Variants in SNTG1 observed in about 807,000 individuals in gnomAD.
SNTG1 encodes the protein gamma-1-syntrophin.
A neutral mutation model predicts 74.7 loss-of-function variants in SNTG1; 39 were observed. The observed-to-expected ratio is 0.52, with a 90% CI of 0.40 to 0.68. The LOEUF (loss-of-function observed/expected upper bound fraction) is 0.68, where lower values mean the gene tolerates loss of function less well. SNTG1 is among the 30% of genes least tolerant of loss of function. The pLI is 0.00. For synonymous variants in SNTG1, 254 were observed against 217.1 expected (o/e 1.17, Z -1.49); for missense variants, 685 against 609.5 (o/e 1.12, Z -1.30).
At chr8:50,073,922 C>G (rs1230492019) in intron 1 of SNTG1, among the ~76,000 whole-genome samples, 1 of 148,902 alleles carries the variant, frequency 6.7e-6, no homozygotes. Context: ...CTTTGTTGTT[C>G]CATTTCTAGA....
At chr8:50,729,634 A>T (rs2131615966) in intron 17 of SNTG1, among the ~76,000 whole-genome samples, 1 of 152,258 alleles carries the variant, frequency 6.6e-6, no homozygotes, top group East Asian at 1.9e-4. Context: ...AGCATGAGCT[A>T]TGCTAGTTTG....
chr8:50,221,665 T>TA (rs908710828), intron 2 of SNTG1, among the ~76,000 whole-genome samples: 3 of 152,270 alleles, frequency 2.0e-5, no homozygotes, highest in Middle Eastern at 3.4e-3. Flanking sequence ...GTGACCCATT[T>TA]AAAAAATATA....
intron 15 of SNTG1, 91 bp downstream of exon 15, chr8:50,658,754 C>G: frequency 1.3e-6 from 1 of 778,492 alleles, no homozygotes; most frequent in South Asian, 1.8e-5. Flanking sequence ...ACAAATCATT[C>G]ATGGAATGAA....
rs187356217 is a variant in SNTG1, at chr8:50,474,971, G to A, written c.363+24242G>A. Among the ~76,000 whole-genome samples the A allele has an allele frequency of 2.8e-3, 421 of 150,372 alleles. 2 individuals carry two copies. The highest frequency in any genetic ancestry group is 9.6e-3 in the African/African-American group (394 of 40,956). On this transcript the variant is annotated intron_variant, in intron 8 of 18. Transcript: ENST00000642720. Reference sequence around the variant, plus strand: ...AAACCATCATTCTGAGCAAACTATCGCAAGGACAAAGAACCAAACACCGCG... The same window carrying A: ...AAACCATCATTCTGAGCAAACTATCACAAGGACAAAGAACCAAACACCGCG...
At chr8:50,091,608 G>A (rs960695453) in intron 1 of SNTG1, among the ~76,000 whole-genome samples, 1 of 151,890 alleles carries the variant, frequency 6.6e-6, no homozygotes, top group Non-Finnish European at 1.5e-5. Context: ...GTCTAAAATG[G>A]TAAGATTTTC....
intron 1 of SNTG1, among the ~76,000 whole-genome samples, chr8:50,053,453 A>G (rs1410334802): frequency 6.6e-6 from 1 of 151,956 alleles, no homozygotes; most frequent in Admixed American, 6.6e-5. Flanking sequence ...AGGGAATGAT[A>G]TTTTTCTTTG....
intron 13 of SNTG1, among the ~76,000 whole-genome samples, chr8:50,626,683 C>T (rs1352233962): frequency 6.6e-6 from 1 of 152,196 alleles, no homozygotes; most frequent in East Asian, 1.9e-4. Flanking sequence ...TTGTTTGTGG[C>T]TTAGGAATGC....
At chr8:49,963,799 T>G (rs893864522) in intron 1 of SNTG1, among the ~76,000 whole-genome samples, 2 of 152,234 alleles carry the variant, frequency 1.3e-5, no homozygotes, top group African/African-American at 4.8e-5. Flanking sequence ...AAATAGAACT[T>G]CACAGAGACT....
At chr8:49,925,145 C>G (rs967863575) in intron 1 of SNTG1, among the ~76,000 whole-genome samples, 9 of 151,956 alleles carry the variant, frequency 5.9e-5, no homozygotes, top group African/African-American at 2.2e-4. Context: ...AGAACCAGTA[C>G]CTGTCTCTAA....
chr8:50,391,468 T>C (rs2092659045), intron 2 of SNTG1, among the ~76,000 whole-genome samples: 1 of 152,164 alleles, frequency 6.6e-6, no homozygotes, highest in East Asian at 1.9e-4. Flanking sequence ...CTGGATTCAA[T>C]TTGCCAGCAT....
intron 5 of SNTG1, among the ~76,000 whole-genome samples, chr8:50,443,032 C>A (rs1211723179): frequency 6.6e-6 from 1 of 152,174 alleles, no homozygotes; most frequent in Non-Finnish European, 1.5e-5. Context: ...AGAGACTTGG[C>A]ATTTATATAA....
chr8:50,726,952 T>C (rs2095501707), intron 17 of SNTG1, among the ~76,000 whole-genome samples: 1 of 152,208 alleles, frequency 6.6e-6, no homozygotes, highest in South Asian at 2.1e-4. Context: ...TTAAATCTGA[T>C]CATGATACTA....
At chr8:50,492,296 T>A (rs537540631) in intron 8 of SNTG1, among the ~76,000 whole-genome samples, 14 of 152,300 alleles carry the variant, frequency 9.2e-5, no homozygotes, top group Admixed American at 3.3e-4. Context: ...TTCTAGATCC[T>A]TGAGGAATTG....
intron 1 of SNTG1, among the ~76,000 whole-genome samples, chr8:50,126,369 G>C (rs570962208): frequency 6.6e-6 from 1 of 152,060 alleles, no homozygotes; most frequent in African/African-American, 2.4e-5. Flanking sequence ...GAAGAAATAG[G>C]TTTGAATGCA....
intron 1 of SNTG1, among the ~76,000 whole-genome samples, chr8:50,109,745 A>G (rs904025272): frequency 6.6e-6 from 1 of 152,114 alleles, no homozygotes; most frequent in Non-Finnish European, 1.5e-5. Flanking sequence ...AGTGAGCCCT[A>G]TTGAAGGGAA....
At chr8:50,539,809 G>A (rs550565047) in intron 11 of SNTG1, among the ~76,000 whole-genome samples, 8 of 152,332 alleles carry the variant, frequency 5.3e-5, no homozygotes, top group African/African-American at 1.4e-4. Context: ...TGTGAACAGG[G>A]AGACAATGGT....
chr8:50,793,068 G>A lies in SNTG1; in HGVS notation c.*239G>A. On this transcript the variant is annotated 3_prime_UTR_variant, in exon 19 of 19. Coordinates refer to ENST00000642720, the MANE Select transcript of SNTG1 (RefSeq NM_018967.5). ...TCACTCAGTTGCTTTGTACCAGTAA[G>A]TGTATTGCTTTCACCAAAAGTGGAG... The A allele has an allele frequency of 2.9e-6, 1 of 349,878 alleles. No homozygotes were observed. Among genetic ancestry groups the A allele is most frequent in the Non-Finnish European group, 5.1e-6 (1 of 196,124 alleles). 21.7% of individuals were successfully genotyped at this position (349,878 alleles called of 1,614,324 possible).
chr8:50,686,064 C>G (rs939986735), intron 15 of SNTG1, among the ~76,000 whole-genome samples: 2 of 152,082 alleles, frequency 1.3e-5, no homozygotes, highest in African/African-American at 4.8e-5. Flanking sequence ...GTAAATGTTA[C>G]AATTATTAGT....
intron 1 of SNTG1, among the ~76,000 whole-genome samples, chr8:49,926,412 T>G (rs1373194296): frequency 6.6e-6 from 1 of 152,150 alleles, no homozygotes; most frequent in African/African-American, 2.4e-5. Context: ...AAAACTATGC[T>G]GAACTTCAAA....
Sources: allele counts gnomAD v4.1 joint callset (sites outside exome capture counted in the v4.1 genomes callset), GRCh38; gene constraint gnomAD v4.1.1; transcripts MANE v1.5; gene names NCBI Gene and HGNC (gene_info 2026-07-23, HGNC 2026-07-21).